MDGA2: variants seen among roughly 807,000 people sequenced by gnomAD.
MDGA2 encodes the protein MAM domain-containing glycosylphosphatidylinositol anchor protein 2.
Under a neutral mutation model 117.8 loss-of-function variants are expected in MDGA2, and 40 were observed. That is an observed-to-expected ratio of 0.34 (90% CI 0.26 to 0.44). The LOEUF (loss-of-function observed/expected upper bound fraction) is 0.44, where lower values mean the gene tolerates loss of function less well. Ranked by LOEUF, MDGA2 falls within the 20% of genes least tolerant of loss-of-function variation. The pLI, the probability that MDGA2 is intolerant of heterozygous loss-of-function variation, is 1.00. For missense variants in MDGA2, 1,123 were observed against 1,250.6 expected, an observed-to-expected ratio of 0.90 and a Z score of 1.54; for synonymous variants, 452 against 439.0, an observed-to-expected ratio of 1.03 and a Z score of -0.37.
At chr14:47,229,006 A>T (rs1289229845) in intron 2 of MDGA2, among the ~76,000 whole-genome samples, 3 of 152,180 alleles carry the variant, frequency 2.0e-5, no homozygotes, top group Non-Finnish European at 2.9e-5. Context: ...TTGCAAAAAA[A>T]GAGAAAGAAA....
chr14:46,856,623 T>G (rs2138305616), intron 14 of MDGA2, among the ~76,000 whole-genome samples: 1 of 152,202 alleles, frequency 6.6e-6, no homozygotes, highest in South Asian at 2.1e-4. Context: ...GTTATTGTTT[T>G]CTTAGTCATT....
intron 14 of MDGA2, among the ~76,000 whole-genome samples, chr14:46,857,213 T>C (rs1046154753): frequency 6.6e-6 from 1 of 152,244 alleles, no homozygotes; most frequent in African/African-American, 2.4e-5. Context: ...TTTCCATTTC[T>C]GGTGGTTTAC....
chr14:47,423,323 T>G (rs1892618278), intron 1 of MDGA2, among the ~76,000 whole-genome samples: 1 of 152,228 alleles, frequency 6.6e-6, no homozygotes, highest in African/African-American at 2.4e-5. Flanking sequence ...TCTTCCATAC[T>G]AAGTAACTAT....
intron 2 of MDGA2, among the ~76,000 whole-genome samples, chr14:47,293,964 G>T (rs567191938): frequency 6.6e-6 from 1 of 152,186 alleles, no homozygotes. Context: ...AAGACTGTAA[G>T]TGTTTCCTCC....
chr14:47,577,102 T>A (rs1896130004), intron 1 of MDGA2, among the ~76,000 whole-genome samples: 1 of 152,088 alleles, frequency 6.6e-6, no homozygotes, highest in South Asian at 2.1e-4. Context: ...CTGTGCATAT[T>A]TCTGTAAAGG....
chr14:47,287,480 T>C (rs1888727873), intron 2 of MDGA2, among the ~76,000 whole-genome samples: 1 of 152,192 alleles, frequency 6.6e-6, no homozygotes, highest in African/African-American at 2.4e-5. Flanking sequence ...GATATATGTA[T>C]ACATTGTAAA....
chr14:47,133,783 CA>C (rs1388257624), intron 4 of MDGA2, among the ~76,000 whole-genome samples: 1 of 151,968 alleles, frequency 6.6e-6, no homozygotes, highest in Non-Finnish European at 1.5e-5. Flanking sequence ...CTTATTCATA[CA>C]TTCAGTATCT....
chr14:47,666,106 G>A (rs1328370573), intron 1 of MDGA2, among the ~76,000 whole-genome samples: 1 of 152,030 alleles, frequency 6.6e-6, no homozygotes, highest in African/African-American at 2.4e-5. Flanking sequence ...TCTAGCTCAA[G>A]GTTTGTAAAC....
intron 14 of MDGA2, among the ~76,000 whole-genome samples, chr14:46,863,412 C>A (rs1392784630): frequency 6.6e-6 from 1 of 152,084 alleles, no homozygotes; most frequent in Non-Finnish European, 1.5e-5. Context: ...CTATAGAATT[C>A]TAAACACTAG....
At chr14:47,649,164 A>T (rs904186897) in intron 1 of MDGA2, among the ~76,000 whole-genome samples, 1 of 152,140 alleles carries the variant, frequency 6.6e-6, no homozygotes, top group Non-Finnish European at 1.5e-5. Flanking sequence ...TTGCCAAAAA[A>T]CCTATTGGGT....
At chr14:47,332,514 T>A (rs1890321673) in intron 1 of MDGA2, among the ~76,000 whole-genome samples, 2 of 151,882 alleles carry the variant, frequency 1.3e-5, no homozygotes, top group Admixed American at 1.3e-4. Context: ...GGAACTTTGG[T>A]CATCATCAAG....
chr14:47,285,935 G>A (rs927231754), intron 2 of MDGA2, among the ~76,000 whole-genome samples: 1 of 152,042 alleles, frequency 6.6e-6, no homozygotes, highest in East Asian at 1.9e-4. Context: ...CCATTTGACT[G>A]AAAAGTAATA....
intron 1 of MDGA2, among the ~76,000 whole-genome samples, chr14:47,381,099 A>C (rs1891611001): frequency 6.6e-6 from 1 of 152,216 alleles, no homozygotes; most frequent in Non-Finnish European, 1.5e-5. Context: ...AACAGAACCA[A>C]AGACAAAAAC....
At chr14:47,059,509 C>G (rs1022112962) in intron 7 of MDGA2, 8 of 364,276 alleles carry the variant, frequency 2.2e-5, no homozygotes, top group East Asian at 1.5e-4. Context: ...GTCATCTTTA[C>G]TATTTTGTCA....
intron 1 of MDGA2, among the ~76,000 whole-genome samples, chr14:47,345,994 A>G (rs1890754481): frequency 6.6e-6 from 1 of 152,080 alleles, no homozygotes; most frequent in African/African-American, 2.4e-5. Flanking sequence ...TTATAACTAG[A>G]TAGGAGGAAT....
chr14:47,223,339 G>A (rs1886366460), intron 2 of MDGA2, among the ~76,000 whole-genome samples: 2 of 152,082 alleles, frequency 1.3e-5, no homozygotes, highest in Admixed American at 1.3e-4. Context: ...ATGAATGAAT[G>A]AATAAAAAAC....
chr14:47,578,349 T>C (rs767443909), intron 1 of MDGA2, among the ~76,000 whole-genome samples: 18 of 152,172 alleles, frequency 1.2e-4, no homozygotes, highest in Middle Eastern at 3.4e-3. Flanking sequence ...CAGCACACCA[T>C]TGCACACATA....
chr14:47,286,648 G>A (rs929354963), intron 2 of MDGA2, among the ~76,000 whole-genome samples: 13 of 151,556 alleles, frequency 8.6e-5, no homozygotes, highest in South Asian at 2.1e-4. Flanking sequence ...AGGACATTTC[G>A]GTTGATTCTG....
chr14:46,982,923 G>A (rs1886735721), intron 8 of MDGA2, among the ~76,000 whole-genome samples: 1 of 151,944 alleles, frequency 6.6e-6, no homozygotes, highest in South Asian at 2.1e-4. Flanking sequence ...TGCCCATTCA[G>A]TATGATATTG....
Sources: gnomAD v4.1 joint callset for allele counts (sites outside exome capture counted in the v4.1 genomes callset) on GRCh38, gnomAD v4.1.1 for gene constraint, MANE v1.5 for transcripts, NCBI Gene and HGNC (gene_info 2026-07-23, HGNC 2026-07-21) for gene names.